The following ANKLE2 variants were observed in gnomAD, a reference collection of about 807,000 sequenced individuals.
ANKLE2 encodes the protein ankyrin repeat and LEM domain containing 2, also known as ankyrin repeat and LEM domain-containing protein 2.
A neutral mutation model predicts 84.2 loss-of-function variants in ANKLE2; 55 were observed. The observed-to-expected ratio is 0.65, with a 90% CI of 0.53 to 0.82. The LOEUF is 0.82. Among genes scored for constraint, ANKLE2 ranks in the 40% least tolerant of loss-of-function variants. The probability of loss-of-function intolerance (pLI) is 0.00; values close to 1 mark genes in which losing one functional copy is unlikely to be tolerated. For missense variants in ANKLE2, 1,238 were observed against 1,201.9 expected (o/e 1.03, Z -0.44); for synonymous variants, 551 against 486.1 (o/e 1.13, Z -1.76).
intron 5 of ANKLE2, among the ~76,000 whole-genome samples, chr12:132,744,210 C>A (rs1254353442): frequency 9.2e-5 from 14 of 152,162 alleles, no homozygotes; most frequent in Admixed American, 9.2e-4. Flanking sequence ...GTCAACAGTG[C>A]CCCTGAGCCC....
chr12:132,752,325 C>T (rs983201075), intron 2 of ANKLE2, among the ~76,000 whole-genome samples: 9 of 152,058 alleles, frequency 5.9e-5, no homozygotes, highest in Non-Finnish European at 1.0e-4. Flanking sequence ...GGCGACAGAC[C>T]GGGACTCTGT....
chr12:132,749,431 C>A (rs750836926), intron 3 of ANKLE2, among the ~76,000 whole-genome samples: 1 of 152,242 alleles, frequency 6.6e-6, no homozygotes, highest in Non-Finnish European at 1.5e-5. Flanking sequence ...GCTGGGATCA[C>A]AGGCGTGAGC....
intron 2 of ANKLE2, among the ~76,000 whole-genome samples, 181 bp downstream of exon 2, chr12:132,754,494 A>C (rs1455304995): frequency 3.9e-5 from 6 of 152,238 alleles, no homozygotes; most frequent in Non-Finnish European, 8.8e-5. Context: ...TCTCATGTTA[A>C]ATTCACAAAT....
Position 132,754,737 on chromosome 12 carries a change from G to A in ANKLE2, c.578C>T (p.Ser193Phe). 1.2e-6 allele frequency: 2 copies of A among 1,614,138 alleles called. No homozygotes were observed. Among genetic ancestry groups the A allele is most frequent in the Admixed American group, 1.7e-5 (1 of 60,022 alleles). ...CCCATAGTACAGGGGCGGCTCCTTA[G>A]ACGCAGTCGCTCCAGCTCTGTAGGT... ...TDTYRAGATA[S>F]KEPPLYYGVC... Residue 193 changes from serine to phenylalanine, a missense_variant, in exon 2 of 13, where the codon TCT becomes TTT. Transcript: ENST00000357997.
At chr12:132,732,708 CCG>C (rs2043901880) in intron 10 of ANKLE2, among the ~76,000 whole-genome samples, 1 of 117,172 alleles carries the variant, frequency 8.5e-6, no homozygotes, top group Non-Finnish European at 1.9e-5. Flanking sequence ...CTGATATGCA[CCG>C]TGTGAAGCTC....
In ANKLE2 at chr12:132,741,553, C is replaced by T. The variant is rs149405754; in HGVS notation, c.1354-68G>A. ...CATTTCCTTATCATTACAATGATTT[C>T]AGAAAAATAGTTTTAAACTCAGTAA... On this transcript the variant is annotated intron_variant, in intron 6 of 12. Coordinates refer to ENST00000357997, the MANE Select transcript of ANKLE2 (RefSeq NM_015114.3). 2.2e-4 allele frequency: 321 copies of T among 1,465,804 alleles called. 1 individual carries two copies. The African/African-American group carries it at 3.6e-3, about 16-fold the overall frequency. The allele number at this position is 1,465,804 out of a possible 1,614,324, so 90.8% of individuals were successfully genotyped here. A position where few individuals can be genotyped will look rare whatever the true frequency, so the allele number is the denominator to read the frequency against.
intron 5 of ANKLE2, among the ~76,000 whole-genome samples, chr12:132,744,072 C>G (rs1043057584): frequency 6.6e-6 from 1 of 152,202 alleles, no homozygotes; most frequent in African/African-American, 2.4e-5. Context: ...CCCTCCTTCC[C>G]CGGATGGTGT....
At chr12:132,752,284 G>A (rs1298488921) in intron 2 of ANKLE2, among the ~76,000 whole-genome samples, 1 of 152,188 alleles carries the variant, frequency 6.6e-6, no homozygotes, top group Non-Finnish European at 1.5e-5. Flanking sequence ...AGGTTGGAGT[G>A]AGCCAAGATC....
chr12:132,735,188 A>AGG, intron 9 of ANKLE2: 1 of 563,558 alleles, frequency 1.8e-6, no homozygotes, highest in Non-Finnish European at 3.1e-6. Flanking sequence ...AGAAAAGGAA[A>AGG]GGAAGGCACT....
At chr12:132,760,466 G>A (rs1406453113) in intron 1 of ANKLE2, 1 of 152,228 alleles carries the variant, frequency 6.6e-6, no homozygotes, top group African/African-American at 2.4e-5. Flanking sequence ...AGCCCCGCAA[G>A]ACTGCCCCCC....
Position 132,727,303 on chromosome 12 carries a change from C to T in ANKLE2, c.2756G>A (p.Ser919Asn), listed in dbSNP as rs1246359555. ...GCGGAGCTGGCTCCCGTGCACGGGG[C>T]TGTAGCGCCCAGGACTGCCCAGGCC... ...KPGLGSPGRY[S>N]PVHGSQLRRM... is the part of the protein sequence containing the mutation. Residue 919 changes from serine (S) to asparagine (N), a missense_variant, in exon 13 of 13, where the codon AGC (serine) becomes AAC (asparagine). Physicochemically the swap from Ser to Asn is conservative, Grantham distance 46. Around this residue, in one of 3 missense-constraint regions of ANKLE2, gnomAD observed 802 missense variants for 774.5 expected, o/e 1.04. Coordinates refer to ENST00000357997, the MANE Select transcript of ANKLE2 (RefSeq NM_015114.3). The T allele has an allele frequency of 5.1e-6, 8 of 1,565,228 alleles. No homozygotes were observed. The South Asian group carries it at 9.4e-5, about 18-fold the overall frequency.
chr12:132,727,892 A>T, intron 12 of ANKLE2, 140 bp downstream of exon 12: 3 of 1,208,698 alleles, frequency 2.5e-6, no homozygotes, highest in Non-Finnish European at 3.4e-6. Flanking sequence ...GAGAGCCACA[A>T]CACCCAAATC....
chr12:132,761,676 A>T lies in ANKLE2; in HGVS notation c.123T>A (p.Gly41=), dbSNP rs1053273112. ...GAACTGGGGTCCCGCTGCGGCCCAG[A>T]CCTCCCGGCCGCGGGCCCAGCCGCC... The part of the protein sequence containing the change: ...LVRRLGPRPG[G]LGRSGTPVPP... The change falls in exon 1 of 13, where the codon GGT becomes GGA. Residue 41 remains glycine, a synonymous_variant. Coordinates refer to ENST00000357997, the MANE Select transcript of ANKLE2 (RefSeq NM_015114.3). The T allele has an allele frequency of 7.5e-7, 1 of 1,335,466 alleles. No homozygotes were observed. Among genetic ancestry groups the T allele is most frequent in the Non-Finnish European group, 9.6e-7 (1 of 1,038,140 alleles). 82.7% of individuals were successfully genotyped at this position (1,335,466 alleles called of 1,614,324 possible). A position where few individuals can be genotyped will look rare whatever the true frequency, so the allele number is the denominator to read the frequency against.
chr12:132,727,968 C>G, intron 12 of ANKLE2, 64 bp downstream of exon 12: 1 of 1,556,918 alleles, frequency 6.4e-7, no homozygotes, highest in South Asian at 1.2e-5. Flanking sequence ...TGAAGTGGAA[C>G]TGGACCCTGC....
rs998941241 is a variant in ANKLE2, at chr12:132,743,930, G to A, written c.1231-654C>T. Reference sequence around the variant, plus strand: ...ACAACCAGAATAAAGCAAAGCGCACGAATTTGGTCTGTACTCAAAGAAGTC... The same window carrying A: ...ACAACCAGAATAAAGCAAAGCGCACAAATTTGGTCTGTACTCAAAGAAGTC... On this transcript the variant is annotated intron_variant, in intron 5 of 12. Transcript: ENST00000357997. The surrounding 1 kb of genome is among the most constrained non-coding windows in gnomAD (Gnocchi z 4.1). 6.6e-6 allele frequency among the ~76,000 whole-genome samples: 1 copy of A among 152,172 alleles called. No individual in the cohort carries two copies. The highest frequency in any genetic ancestry group is 1.5e-5 in the Non-Finnish European group (1 of 68,022).
chr12:132,741,781 A>G, intron 6 of ANKLE2: 1 of 537,796 alleles, frequency 1.9e-6, no homozygotes, highest in South Asian at 1.5e-5. Context: ...ATCGAGTAAA[A>G]GCAGAAGCAC....
At chr12:132,728,231 A>C in intron 11 of ANKLE2, 68 bp from the exon 12 acceptor site, 2 of 1,554,954 alleles carry the variant, frequency 1.3e-6, no homozygotes, top group Non-Finnish European at 1.7e-6. Context: ...AAATACCACT[A>C]CTTTTTTTTT....
intron 3 of ANKLE2, 55 bp downstream of exon 3, chr12:132,750,588 C>T: frequency 2.5e-6 from 4 of 1,591,594 alleles, no homozygotes; most frequent in Non-Finnish European, 3.4e-6. Context: ...AGGCACAAAA[C>T]AGGGTGGGAT....
rs944640479 is a variant in ANKLE2 at position 132,727,930 on chromosome 12, G to A, written c.2615+102C>T. 111 of 1,470,084 alleles carry A rather than the reference G, an allele frequency of 7.6e-5. No homozygotes were observed. In the Admixed American group the frequency reaches 1.5e-3, roughly 19 times the overall value. The allele number at this position is 1,470,084 out of a possible 1,614,324, so 91.1% of individuals were successfully genotyped here. ...CAGCCTGGCTGACGGGCCTGCCAGC[G>A]TTGGGAAAAGCCACTGATAGGTTCG... On this transcript the variant is annotated intron_variant, in intron 12 of 12. Transcript: ENST00000357997.
Sources: allele counts gnomAD v4.1 joint callset (sites outside exome capture counted in the v4.1 genomes callset), GRCh38; gene constraint gnomAD v4.1.1; regional missense constraint gnomAD v4.1.1; non-coding constraint Gnocchi (gnomAD v3.1); transcripts MANE v1.5; gene names NCBI Gene and HGNC (gene_info 2026-07-23, HGNC 2026-07-21).